The following BTN2A2 variants were observed in gnomAD, a reference collection of about 807,000 sequenced individuals.
The protein encoded by BTN2A2 is butyrophilin subfamily 2 member A2, also known as butyrophilin 2.
In BTN2A2, 29 loss-of-function variants were observed where a neutral mutation model predicts 34.7. The ratio of observed to expected loss-of-function variants is 0.84; its 90% CI spans 0.62 to 1.14. The LOEUF (loss-of-function observed/expected upper bound fraction) is 1.14. Ranked by LOEUF, BTN2A2 falls within the 50% of genes most tolerant of loss-of-function variation. The pLI is 0.00. For missense variants in BTN2A2, 612 were observed against 651.5 expected, an observed-to-expected ratio of 0.94 and a Z score of 0.66; for synonymous variants, 240 against 253.1, an observed-to-expected ratio of 0.95 and a Z score of 0.49.
At chr6:26,390,589 T>G (rs1032984500) in intron 5 of BTN2A2, 98 bp from the exon 6 acceptor site, 3 of 1,472,332 alleles carry the variant, frequency 2.0e-6, no homozygotes, top group Non-Finnish European at 2.8e-6. Flanking sequence ...GATGTTGGTG[T>G]TCATAGAAAG....
chr6:26,387,168 T>C (rs1761254347), intron 3 of BTN2A2, among the ~76,000 whole-genome samples: 1 of 152,158 alleles, frequency 6.6e-6, no homozygotes. Flanking sequence ...TCTCTGACAT[T>C]GAGGAGGCAA....
intron 7 of BTN2A2, chr6:26,391,136 G>C (rs1761551953): frequency 3.7e-6 from 2 of 538,224 alleles, no homozygotes; most frequent in African/African-American, 1.9e-5. Flanking sequence ...AGAAGTCATT[G>C]CTCTTTGATT....
At chr6:26,390,914 G>T in intron 7 of BTN2A2, 85 bp downstream of exon 7, 1 of 1,601,694 alleles carries the variant, frequency 6.2e-7, no homozygotes, top group Non-Finnish European at 8.5e-7. Context: ...TGAGCAAGGG[G>T]CCCAGGGCTA....
chr6:26,393,777 T>C lies in BTN2A2; in HGVS notation c.*810T>C. The C allele has an allele frequency of 3.0e-6, 3 of 985,482 alleles. No individual in the cohort carries two copies. Among genetic ancestry groups the C allele is most frequent in the Non-Finnish European group, 3.6e-6 (3 of 829,824 alleles). The allele number at this position is 985,482 out of a possible 1,614,324, so 61.0% of individuals were successfully genotyped here. Reference sequence around the variant, plus strand: ...GTGGCTTCAAACTTCCTGATCTAATTATGTTTTTAGACACTTAGAAGTTAT... The same window carrying C: ...GTGGCTTCAAACTTCCTGATCTAATCATGTTTTTAGACACTTAGAAGTTAT... On this transcript the variant is annotated 3_prime_UTR_variant, in exon 8 of 8. Coordinates refer to ENST00000356709, the MANE Select transcript of BTN2A2 (RefSeq NM_006995.5).
intron 7 of BTN2A2, chr6:26,391,895 C>T (rs554864717): frequency 1.7e-5 from 5 of 286,086 alleles, no homozygotes; most frequent in Non-Finnish European, 2.6e-5. Flanking sequence ...ATAGGACCAA[C>T]GAAGAGGTCC....
At chr6:26,386,194 C>T (rs1561826451) in intron 3 of BTN2A2, among the ~76,000 whole-genome samples, 1 of 152,090 alleles carries the variant, frequency 6.6e-6, no homozygotes, top group Non-Finnish European at 1.5e-5. Context: ...TTCCTGCTAA[C>T]TCCACAGAGA....
chr6:26,392,813 G>C lies in BTN2A2; in HGVS notation c.1418G>C (p.Arg473Pro). ...RDRSHIYTCP[R>P]SAFTVPVRPF... ...AGATCGCACATCTACACATGTCCCC[G>C]TTCAGCCTTTACTGTGCCTGTGAGG... Residue 473 changes from arginine to proline, a missense_variant, in exon 8 of 8, where the codon CGT (arginine) becomes CCT (proline). Coordinates refer to ENST00000356709, the MANE Select transcript of BTN2A2 (RefSeq NM_006995.5). 6.2e-7 allele frequency: 1 copy of C among 1,614,176 alleles called. No homozygotes were observed. The highest frequency in any genetic ancestry group is 8.5e-7 in the Non-Finnish European group (1 of 1,180,034).
At chr6:26,390,248 A>C in intron 5 of BTN2A2, 37 bp downstream of exon 5, 1 of 1,587,646 alleles carries the variant, frequency 6.3e-7, no homozygotes, top group Non-Finnish European at 8.6e-7. Flanking sequence ...AAAAATAGAA[A>C]GAAATTCAAA....
Position 26,394,589 on chromosome 6 carries a change from T to C in BTN2A2, c.*1622T>C, listed in dbSNP as rs1761775033. The C allele has an allele frequency of 2.3e-6, 1 of 429,616 alleles. No homozygotes were observed. The highest frequency in any genetic ancestry group is 2.0e-5 in the African/African-American group (1 of 49,584). The allele number at this position is 429,616 out of a possible 1,614,324, so 26.6% of individuals were successfully genotyped here. A position where few individuals can be genotyped will look rare whatever the true frequency, so the allele number is the denominator to read the frequency against. ...GGCCCTGGGTTCTCAGGCCTTTGGC[T>C]TTGGACTGAGAGTTACACAATCAGC... On this transcript the variant is annotated 3_prime_UTR_variant, in exon 8 of 8. Transcript: ENST00000356709.
At position 26,385,098 on chromosome 6, in the gene BTN2A2, G is replaced by C; in HGVS notation, c.178G>C (p.Glu60Gln). 1 of 1,613,982 alleles carries C rather than the reference G, an allele frequency of 6.2e-7. No homozygotes were observed. The highest frequency in any genetic ancestry group is 8.5e-7 in the Non-Finnish European group (1 of 1,179,954). ...NTTLRCHLSP[E>Q]KNAEDMEVRW... is the part of the protein sequence containing the mutation. ...TACATTACGCTGCCATCTGTCACCC[G>C]AGAAAAATGCTGAGGACATGGAGGT... Residue 60 changes from glutamate to glutamine, a missense_variant, in exon 3 of 8, where the codon GAG becomes CAG. Coordinates refer to ENST00000356709, the MANE Select transcript of BTN2A2 (RefSeq NM_006995.5).
Position 26,392,479 on chromosome 6 carries a change from C to T in BTN2A2, c.1084C>T (p.Pro362Ser). 6.2e-7 allele frequency: 1 copy of T among 1,614,218 alleles called. No individual in the cohort carries two copies. Among genetic ancestry groups the T allele is most frequent in the East Asian group, 2.2e-5 (1 of 44,886 alleles). ...CTACAGGCAGAGAGTGCCTGACAAC[C>T]CAGAGAGATTCGACAGTCAGCCTTG... ...GPYRQRVPDN[P>S]ERFDSQPCVL... The change falls in exon 8 of 8, where the codon CCA becomes TCA. Residue 362 changes from proline to serine, a missense_variant. Transcript: ENST00000356709.
Position 26,388,009 on chromosome 6 carries a change from C to G in BTN2A2, c.443-4C>G. On this transcript the variant is annotated splice_polypyrimidine_tract_variant and splice_region_variant and intron_variant, in intron 3 of 7. Transcript: ENST00000356709. ...TTTGGCTGAGCCCTGGTCTCCCTTTCCAGGCCTTGGGTCTAAGCCCCTCAT... is the reference window on the plus strand; with the variant it reads ...TTTGGCTGAGCCCTGGTCTCCCTTTGCAGGCCTTGGGTCTAAGCCCCTCAT... The G allele has an allele frequency of 6.2e-7, 1 of 1,607,670 alleles. No individual in the cohort carries two copies. Among genetic ancestry groups the G allele is most frequent in the Non-Finnish European group, 8.5e-7 (1 of 1,175,382 alleles).
At chr6:26,385,429 A>T in intron 3 of BTN2A2, 67 bp downstream of exon 3, 1 of 1,455,792 alleles carries the variant, frequency 6.9e-7, no homozygotes. Context: ...TTCTCCCTTA[A>T]CCTCAGGCCC....
chr6:26,390,613 T>C (rs1369756372), intron 5 of BTN2A2, 74 bp from the exon 6 acceptor site: 1 of 1,592,966 alleles, frequency 6.3e-7, no homozygotes, highest in African/African-American at 1.3e-5. Context: ...GGTTCCTACG[T>C]TGTTTAATAC....
At position 26,385,131 on chromosome 6, in the gene BTN2A2, T is replaced by C. The variant is rs1761104115; in HGVS notation, c.211T>C (p.Phe71Leu). The C allele has an allele frequency of 6.2e-7, 1 of 1,613,814 alleles. No homozygotes were observed. Among genetic ancestry groups the C allele is most frequent in the Admixed American group, 1.7e-5 (1 of 59,968 alleles). The change falls in exon 3 of 8, where the codon TTC becomes CTC. Residue 71 changes from phenylalanine to leucine, a missense_variant. Physicochemically the swap from Phe to Leu is conservative, Grantham distance 22. Coordinates refer to ENST00000356709, the MANE Select transcript of BTN2A2 (RefSeq NM_006995.5). Reference sequence around the variant, plus strand: ...TGCTGAGGACATGGAGGTGCGGTGGTTCCGGTCTCAGTTCTCCCCCGCAGT... The same window carrying C: ...TGCTGAGGACATGGAGGTGCGGTGGCTCCGGTCTCAGTTCTCCCCCGCAGT... ...KNAEDMEVRW[F>L]RSQFSPAVFV... is the part of the protein sequence containing the mutation.
rs139419531 is a variant in BTN2A2 at position 26,392,697 on chromosome 6, G to T, written c.1302G>T (p.Glu434Asp). Residue 434 changes from glutamate (E) to aspartate (D), a missense_variant, in exon 8 of 8, where the codon GAG becomes GAT. Glu to Asp is a conservative substitution (Grantham distance 45, BLOSUM62 2). Transcript: ENST00000356709. ...GNQYRALSSP[E>D]RILPLKESLC... ...AATACCGGGCCCTGTCCTCCCCTGA[G>T]AGGATTCTCCCTTTGAAGGAGTCCC... 140 of 1,614,096 alleles carry T rather than the reference G, an allele frequency of 8.7e-5. 1 individual carries two copies. The highest frequency in any genetic ancestry group is 1.3e-4 in the African/African-American group (10 of 74,936).
chr6:26,390,907 G>A, intron 7 of BTN2A2, 78 bp downstream of exon 7: 2 of 1,608,012 alleles, frequency 1.2e-6, no homozygotes, highest in South Asian at 2.2e-5. Context: ...GAGGAGATGA[G>A]CAAGGGGCCC....
intron 3 of BTN2A2, among the ~76,000 whole-genome samples, chr6:26,386,388 C>T (rs1352528487): frequency 1.3e-5 from 2 of 152,164 alleles, no homozygotes; most frequent in Admixed American, 6.6e-5. Flanking sequence ...CAGAATAATT[C>T]GTGGTGACAT....
intron 4 of BTN2A2, among the ~76,000 whole-genome samples, chr6:26,389,142 CGA>C (rs1390882066): frequency 6.6e-6 from 1 of 151,622 alleles, no homozygotes; most frequent in African/African-American, 2.4e-5. Context: ...AAAGGGAGCG[CGA>C]GAGAGAGACA....
Sources: gnomAD v4.1 joint callset for allele counts (sites outside exome capture counted in the v4.1 genomes callset) on GRCh38, gnomAD v4.1.1 for gene constraint, MANE v1.5 for transcripts, NCBI Gene and HGNC (gene_info 2026-07-23, HGNC 2026-07-21) for gene names.